ADGRL2: variants seen among roughly 807,000 people sequenced by gnomAD.
The protein encoded by ADGRL2 is calcium-independent alpha-latrotoxin receptor 2.
A neutral mutation model predicts 157.4 loss-of-function variants in ADGRL2; 44 were observed. The ratio of observed to expected loss-of-function variants is 0.28; its 90% CI spans 0.22 to 0.36. The LOEUF (loss-of-function observed/expected upper bound fraction) is 0.36, where lower values mean the gene tolerates loss of function less well. Among genes scored for constraint, ADGRL2 ranks in the 10% least tolerant of loss-of-function variants. The pLI is 1.00. For missense variants in ADGRL2, 1,510 were observed against 1,768.9 expected, an observed-to-expected ratio of 0.85 and a Z score of 2.63; for synonymous variants, 585 against 624.7, an observed-to-expected ratio of 0.94 and a Z score of 0.95.
At chr1:81,358,238 G>A (rs1663458692) in intron 1 of ADGRL2, among the ~76,000 whole-genome samples, 2 of 152,128 alleles carry the variant, frequency 1.3e-5, no homozygotes, top group Admixed American at 1.3e-4. Flanking sequence ...AAGGCAATGT[G>A]GGAAAAGATG....
intron 1 of ADGRL2, among the ~76,000 whole-genome samples, chr1:81,409,517 T>C (rs947784375): frequency 1.3e-5 from 2 of 152,184 alleles, no homozygotes; most frequent in African/African-American, 4.8e-5. Flanking sequence ...GCCAAATGAA[T>C]AACAAGCTTG....
chr1:81,978,878 C>T (rs552435082), intron 17 of ADGRL2, among the ~76,000 whole-genome samples: 1 of 151,700 alleles, frequency 6.6e-6, no homozygotes, highest in Non-Finnish European at 1.5e-5. Flanking sequence ...TATACTATTT[C>T]TGGTATTCTC....
intron 2 of ADGRL2, among the ~76,000 whole-genome samples, chr1:81,482,611 G>A (rs555333761): frequency 2.2e-4 from 33 of 152,008 alleles, no homozygotes; most frequent in African/African-American, 7.0e-4. Context: ...CGTTTCCATC[G>A]CTATCAGTGT....
At chr1:81,899,699 T>C (rs1557871454) in intron 2 of ADGRL2, among the ~76,000 whole-genome samples, 1 of 152,210 alleles carries the variant, frequency 6.6e-6, no homozygotes, top group Non-Finnish European at 1.5e-5. Context: ...TACATTTTGC[T>C]GGTTGGGATG....
At chr1:81,814,212 C>T (rs1021427631) in intron 1 of ADGRL2, among the ~76,000 whole-genome samples, 2 of 151,324 alleles carry the variant, frequency 1.3e-5, no homozygotes, top group African/African-American at 2.4e-5. Context: ...TAAAAAAATA[C>T]GAATTTATGA....
At chr1:81,720,172 T>C (rs1320024662) in intron 1 of ADGRL2, among the ~76,000 whole-genome samples, 1 of 146,128 alleles carries the variant, frequency 6.8e-6, no homozygotes, top group South Asian at 2.3e-4. Context: ...AAAGCATTCC[T>C]TTTTTTCTTT....
At chr1:81,725,539 A>AAAAT (rs369835378) in intron 1 of ADGRL2, among the ~76,000 whole-genome samples, 3,753 of 151,538 alleles carry the variant, frequency 0.025, 59 homozygotes, top group African/African-American at 0.041. Flanking sequence ...ACTCTGTCTC[A>AAAAT]AAATAAATAA....
chr1:81,725,576 A>T (rs2084495216), intron 1 of ADGRL2, among the ~76,000 whole-genome samples: 1 of 151,574 alleles, frequency 6.6e-6, no homozygotes, highest in South Asian at 2.1e-4. Flanking sequence ...ATAAACTTGC[A>T]TTTGAGCTTG....
chr1:81,947,973 C>T (rs1650424112), intron 6 of ADGRL2, among the ~76,000 whole-genome samples: 1 of 152,028 alleles, frequency 6.6e-6, no homozygotes. Flanking sequence ...AATCCCAGCA[C>T]TTTGGGATGT....
chr1:81,725,732 T>C (rs1231709103), intron 1 of ADGRL2, among the ~76,000 whole-genome samples: 5 of 152,192 alleles, frequency 3.3e-5, no homozygotes, highest in African/African-American at 4.8e-5. Flanking sequence ...AAGTGGGTAA[T>C]AGTAAAATTC....
At position 81,340,684 on chromosome 1, in the gene ADGRL2, G is replaced by C. The variant is rs563799742; in HGVS notation, c.-302+34175G>C. Among the ~76,000 whole-genome samples the C allele has an allele frequency of 3.9e-5, 6 of 152,198 alleles. No individual in the cohort carries two copies. The East Asian group carries it at 1.2e-3, about 29-fold the overall frequency. ...AGGACCAAATTAAATCGATGGTGCT[G>C]ATCTGTGGCACACCAGATAAGAAAG... On this transcript the variant is annotated intron_variant, in intron 1 of 24. Transcript: ENST00000370721.
intron 2 of ADGRL2, among the ~76,000 whole-genome samples, chr1:81,853,746 G>C (rs564738008): frequency 6.6e-6 from 1 of 152,022 alleles, no homozygotes; most frequent in East Asian, 1.9e-4. Context: ...CATGATATAA[G>C]GTTAAGGTTT....
intron 2 of ADGRL2, among the ~76,000 whole-genome samples, chr1:81,487,268 G>A (rs1021787113): frequency 1.3e-5 from 2 of 151,720 alleles, no homozygotes; most frequent in African/African-American, 4.8e-5. Context: ...TCAAAAAAAC[G>A]AAAGGAAAAG....
intron 2 of ADGRL2, among the ~76,000 whole-genome samples, chr1:81,546,280 T>C (rs1314676371): frequency 1.3e-5 from 2 of 152,220 alleles, no homozygotes; most frequent in Non-Finnish European, 2.9e-5. Context: ...CACGTGAACT[T>C]GGCAGCATTT....
At chr1:81,975,731 T>C (rs1160005665) in intron 17 of ADGRL2, among the ~76,000 whole-genome samples, 1 of 151,868 alleles carries the variant, frequency 6.6e-6, no homozygotes, top group African/African-American at 2.4e-5. Context: ...AGAAAGGAAC[T>C]CAGACTTGCA....
intron 1 of ADGRL2, among the ~76,000 whole-genome samples, chr1:81,366,722 T>A (rs1315329709): frequency 6.6e-6 from 1 of 152,214 alleles, no homozygotes; most frequent in East Asian, 1.9e-4. Context: ...TATTTCAAGT[T>A]TAGTCTATGT....
intron 2 of ADGRL2, among the ~76,000 whole-genome samples, chr1:81,575,344 T>C (rs1487087854): frequency 2.0e-5 from 3 of 152,156 alleles, no homozygotes; most frequent in African/African-American, 7.2e-5. Flanking sequence ...TTAATTTAAA[T>C]TCACGGAAAG....
chr1:81,889,241 G>T (rs930283502), intron 2 of ADGRL2, among the ~76,000 whole-genome samples: 3 of 152,198 alleles, frequency 2.0e-5, no homozygotes, highest in Admixed American at 2.0e-4. Context: ...TAGACAGAAC[G>T]AAATCTCGGC....
intron 1 of ADGRL2, among the ~76,000 whole-genome samples, chr1:81,753,284 A>G (rs1037169444): frequency 1.3e-5 from 2 of 152,200 alleles, no homozygotes; most frequent in Non-Finnish European, 2.9e-5. Context: ...GGATGGTGGC[A>G]GGCAAGAGAG....
Sources: gnomAD v4.1 joint callset for allele counts (sites outside exome capture counted in the v4.1 genomes callset) on GRCh38, gnomAD v4.1.1 for gene constraint, MANE v1.5 for transcripts, NCBI Gene and HGNC (gene_info 2026-07-23, HGNC 2026-07-21) for gene names.